INVS: variants seen among roughly 807,000 people sequenced by gnomAD.
INVS encodes inversion of embryo turning homolog.
Under a neutral mutation model 108.8 loss-of-function variants are expected in INVS, and 86 were observed. The observed-to-expected ratio is 0.79, with a 90% CI of 0.66 to 0.95. The LOEUF (loss-of-function observed/expected upper bound fraction) is 0.95. INVS is among the 40% of genes least tolerant of loss of function. The probability of loss-of-function intolerance (pLI) is 0.00; values close to 1 mark genes in which losing one functional copy is unlikely to be tolerated. For missense variants in INVS, 1,169 were observed against 1,297.4 expected, an observed-to-expected ratio of 0.90 and a Z score of 1.52; for synonymous variants, 455 against 473.5, an observed-to-expected ratio of 0.96 and a Z score of 0.51.
rs918007697 is a variant in INVS, at chr9:100,292,443, C to T, written c.2186C>T (p.Thr729Ile). ...VPSVEKSRGE[T>I]AGDERCAKGK... ...TCTGTTGAGAAGTCCAGAGGTGAGACAGCTGGCGATGAGCGGTGTGCAAAG... is the reference window on the plus strand; with the variant it reads ...TCTGTTGAGAAGTCCAGAGGTGAGATAGCTGGCGATGAGCGGTGTGCAAAG... The change falls in exon 14 of 17, where the codon ACA becomes ATA. Residue 729 changes from threonine to isoleucine, a missense_variant. Thr to Ile is a moderately conservative substitution (Grantham distance 89). Around this residue, in one of 3 missense-constraint regions of INVS, gnomAD observed 533 missense variants for 536.0 expected, o/e 0.99. Transcript: ENST00000262457. 6.2e-7 allele frequency: 1 copy of T among 1,614,128 alleles called. No homozygotes were observed. Among genetic ancestry groups the T allele is most frequent in the Non-Finnish European group, 8.5e-7 (1 of 1,180,036 alleles).
intron 3 of INVS, among the ~76,000 whole-genome samples, chr9:100,165,179 C>T (rs1305310581): frequency 6.6e-6 from 1 of 151,686 alleles, no homozygotes; most frequent in Non-Finnish European, 1.5e-5. Flanking sequence ...TACAGGCATA[C>T]AATGTGTCAT....
At position 100,297,115 on chromosome 9, in the gene INVS, C is replaced by T; in HGVS notation, c.2985C>T (p.Ser995=). Residue 995 remains serine, a synonymous_variant, in exon 15 of 17, where the codon TCC becomes TCT. Transcript: ENST00000262457. ...SPSKGTSGTK[S]TKHSVLKQIY... Reference sequence around the variant, plus strand: ...CCAAGGGCACCTCAGGCACAAAGTCCACCAAGCACTCAGTGCTTAAGCAAA... The same window carrying T: ...CCAAGGGCACCTCAGGCACAAAGTCTACCAAGCACTCAGTGCTTAAGCAAA... The T allele has an allele frequency of 1.9e-6, 3 of 1,614,092 alleles. No homozygotes were observed. The highest frequency in any genetic ancestry group is 2.5e-6 in the Non-Finnish European group (3 of 1,180,008).
At chr9:100,100,630 T>A (rs1312079475) in intron 1 of INVS, among the ~76,000 whole-genome samples, 1 of 70,990 alleles carries the variant, frequency 1.4e-5, no homozygotes, top group African/African-American at 7.9e-5. Context: ...GTATATATAA[T>A]ATATATATTA....
At chr9:100,124,654 T>A (rs10988977) in intron 2 of INVS, among the ~76,000 whole-genome samples, 32,182 of 151,980 alleles carry the variant, frequency 0.21, 5,814 homozygotes, top group African/African-American at 0.5. Flanking sequence ...GTTTCATGAG[T>A]GTTCATAGTT....
intron 2 of INVS, among the ~76,000 whole-genome samples, chr9:100,122,935 T>C (rs1198499915): frequency 2.0e-5 from 3 of 152,196 alleles, no homozygotes. Context: ...ATTTACATCA[T>C]TTACATTTAA....
intron 2 of INVS, 132 bp downstream of exon 2, chr9:100,104,759 C>A: frequency 1.4e-6 from 1 of 723,548 alleles, no homozygotes. Flanking sequence ...TATTTTCTTC[C>A]AACACATGAA....
rs144032764 is a variant in INVS at position 100,288,065 on chromosome 9, C to T, written c.2068+3462C>T. 9.9e-3 allele frequency among the ~76,000 whole-genome samples: 1,513 copies of T among 152,202 alleles called. 60 individuals carry two copies. Among genetic ancestry groups the T allele is most frequent in the Admixed American group, 0.063 (962 of 15,280 alleles). On this transcript the variant is annotated intron_variant, in intron 13 of 16. Coordinates refer to ENST00000262457, the MANE Select transcript of INVS (RefSeq NM_014425.5). ...AGACAAAAGAGGGTGGAATAGGAGG[C>T]GTATAGCAGCCATTAGTCCGTAGCA...
intron 6 of INVS, among the ~76,000 whole-genome samples, chr9:100,240,641 CT>C (rs1298528938): frequency 6.6e-6 from 1 of 151,800 alleles, no homozygotes; most frequent in Non-Finnish European, 1.5e-5. Flanking sequence ...TTGAAGATCA[CT>C]TTTATAGATG....
chr9:100,212,311 T>C (rs983225085), intron 3 of INVS, among the ~76,000 whole-genome samples: 2 of 152,232 alleles, frequency 1.3e-5, no homozygotes, highest in Non-Finnish European at 2.9e-5. Flanking sequence ...TTATATTATG[T>C]TTATATTTCA....
chr9:100,143,350 G>A (rs192945413), intron 3 of INVS, among the ~76,000 whole-genome samples: 1 of 152,268 alleles, frequency 6.6e-6, no homozygotes. Flanking sequence ...GGAATTGTAA[G>A]GGGAGTTTAT....
chr9:100,237,024 G>A (rs765936844), intron 5 of INVS, among the ~76,000 whole-genome samples: 33 of 152,198 alleles, frequency 2.2e-4, no homozygotes, highest in Admixed American at 6.5e-4. Context: ...CCCCTGACAG[G>A]AACTGCTGCC....
At chr9:100,276,462 A>G (rs1376309619) in intron 12 of INVS, among the ~76,000 whole-genome samples, 1 of 152,006 alleles carries the variant, frequency 6.6e-6, no homozygotes, top group Non-Finnish European at 1.5e-5. Flanking sequence ...TCCCCCTTTG[A>G]TAGCCTTTTG....
At chr9:100,223,366 G>C (rs1032529152) in intron 3 of INVS, among the ~76,000 whole-genome samples, 1 of 152,066 alleles carries the variant, frequency 6.6e-6, no homozygotes, top group African/African-American at 2.4e-5. Context: ...CAAAGTGCTA[G>C]AATTACAGGC....
chr9:100,269,371 ATTT>A (rs11352238), intron 11 of INVS, among the ~76,000 whole-genome samples: 3 of 151,958 alleles, frequency 2.0e-5, no homozygotes, highest in Non-Finnish European at 4.4e-5. Flanking sequence ...TTGTAGCAAA[ATTT>A]TTTTTAATTC....
intron 8 of INVS, among the ~76,000 whole-genome samples, chr9:100,249,921 G>A (rs796767000): frequency 2.5e-4 from 38 of 151,840 alleles, no homozygotes; most frequent in African/African-American, 8.4e-4. Flanking sequence ...TCTGGTCAAC[G>A]TGGTGAAACC....
intron 12 of INVS, among the ~76,000 whole-genome samples, chr9:100,281,719 C>A (rs944653575): frequency 2.6e-5 from 4 of 151,960 alleles, no homozygotes. Flanking sequence ...GTAGTTCTAC[C>A]AAAATGAAAA....
chr9:100,233,789 T>G (rs1283030654), intron 5 of INVS, among the ~76,000 whole-genome samples: 1 of 152,316 alleles, frequency 6.6e-6, no homozygotes, highest in African/African-American at 2.4e-5. Flanking sequence ...TTATTGAGGA[T>G]TTTCGCATTG....
chr9:100,128,702 G>C (rs1827958813), intron 3 of INVS, among the ~76,000 whole-genome samples: 1 of 152,102 alleles, frequency 6.6e-6, no homozygotes, highest in South Asian at 2.1e-4. Context: ...AAACTTCCAA[G>C]ATTTTCCCAT....
chr9:100,190,941 G>A (rs1199425057), intron 3 of INVS, among the ~76,000 whole-genome samples: 1 of 151,710 alleles, frequency 6.6e-6, no homozygotes, highest in Non-Finnish European at 1.5e-5. Flanking sequence ...GCTCACTGCA[G>A]CCTTGACCTC....
Sources: allele counts gnomAD v4.1 joint callset (sites outside exome capture counted in the v4.1 genomes callset), GRCh38; gene constraint gnomAD v4.1.1; regional missense constraint gnomAD v4.1.1; transcripts MANE v1.5; gene names NCBI Gene and HGNC (gene_info 2026-07-23, HGNC 2026-07-21).